Variants in MIPOL1 observed in about 807,000 individuals in gnomAD.
MIPOL1 encodes mirror-image polydactyly 1, also known as mirror-image polydactyly gene 1 protein.
A neutral mutation model predicts 60.9 loss-of-function variants in MIPOL1; 57 were observed. That is an observed-to-expected ratio of 0.94 (90% CI 0.76 to 1.17). The LOEUF (loss-of-function observed/expected upper bound fraction) is 1.17. Ranked by LOEUF, MIPOL1 falls within the 50% of genes most tolerant of loss-of-function variation. The pLI, the probability that MIPOL1 is intolerant of heterozygous loss-of-function variation, is 0.00. For synonymous variants in MIPOL1, 179 were observed against 168.8 expected (o/e 1.06, Z -0.47); for missense variants, 551 against 511.6 (o/e 1.08, Z -0.74).
intron 11 of MIPOL1, among the ~76,000 whole-genome samples, chr14:37,442,449 G>T (rs144156642): frequency 6.6e-6 from 1 of 152,068 alleles, no homozygotes; most frequent in Non-Finnish European, 1.5e-5. Context: ...TGTTGTTCCA[G>T]TTTTCAAGGG....
intron 7 of MIPOL1, among the ~76,000 whole-genome samples, chr14:37,298,774 C>T (rs1297319454): frequency 1.1e-4 from 17 of 151,486 alleles, no homozygotes; most frequent in Non-Finnish European, 2.1e-4. Context: ...GTTAGAATGG[C>T]AATCATTAAA....
At chr14:37,496,031 C>T (rs2095122858) in intron 11 of MIPOL1, among the ~76,000 whole-genome samples, 1 of 151,444 alleles carries the variant, frequency 6.6e-6, no homozygotes, top group Non-Finnish European at 1.5e-5. Flanking sequence ...GATATTAGCC[C>T]TTTGTCAGAT....
At position 37,318,804 on chromosome 14, in the gene MIPOL1, T is replaced by TTAG. The variant is rs2088221619; in HGVS notation, c.828+10286_828+10287insAGT. Among the ~76,000 whole-genome samples the TTAG allele has an allele frequency of 6.5e-5, 4 of 61,140 alleles. No individual in the cohort carries two copies. The South Asian group carries it at 2.1e-3, about 31-fold the overall frequency. 40.1% of individuals were successfully genotyped at this position (61,140 alleles called of 152,430 possible). Reference sequence around the variant, plus strand: ...AATTTTACTTCATTTTATTTATTTATTTATTTATTTATTTATTTATTTAGT... The same window carrying TTAG: ...AATTTTACTTCATTTTATTTATTTATTAGTTATTTATTTATTTATTTATTTAGT... On this transcript the variant is annotated intron_variant, in intron 9 of 12. Coordinates refer to ENST00000684589, the MANE Select transcript of MIPOL1 (RefSeq NM_001388067.1).
chr14:37,412,121 T>C (rs2093690311), intron 10 of MIPOL1, among the ~76,000 whole-genome samples: 1 of 152,142 alleles, frequency 6.6e-6, no homozygotes, highest in Non-Finnish European at 1.5e-5. Context: ...ACCTTGCTCT[T>C]AACCACCTCA....
intron 1 of MIPOL1, among the ~76,000 whole-genome samples, chr14:37,242,850 G>A (rs1157460637): frequency 6.6e-6 from 1 of 152,196 alleles, no homozygotes; most frequent in Non-Finnish European, 1.5e-5. Flanking sequence ...TGAGAAAAGA[G>A]TTTCTACTTT....
At chr14:37,539,547 A>G (rs1164813283) in intron 12 of MIPOL1, among the ~76,000 whole-genome samples, 1 of 152,182 alleles carries the variant, frequency 6.6e-6, no homozygotes, top group Non-Finnish European at 1.5e-5. Context: ...GTTTTTAAAA[A>G]CACTAGACAT....
intron 1 of MIPOL1, among the ~76,000 whole-genome samples, chr14:37,198,703 G>A (rs1964736650): frequency 6.6e-6 from 1 of 152,156 alleles, no homozygotes; most frequent in African/African-American, 2.4e-5. Flanking sequence ...TGGTAGAAAG[G>A]AACAACTTTC....
At chr14:37,218,413 C>A (rs1470658261) in intron 1 of MIPOL1, among the ~76,000 whole-genome samples, 1 of 151,882 alleles carries the variant, frequency 6.6e-6, no homozygotes, top group Non-Finnish European at 1.5e-5. Flanking sequence ...ATCTGGAACT[C>A]CTGACCTCAA....
Position 37,338,409 on chromosome 14 carries a change from C to G in MIPOL1, c.828+29890C>G, listed in dbSNP as rs529444438. On this transcript the variant is annotated intron_variant, in intron 9 of 12. Coordinates refer to ENST00000684589, the MANE Select transcript of MIPOL1 (RefSeq NM_001388067.1). ...ACAGGCGTGAACCACCGCGCCTGGC[C>G]CCCCCTTTTTTTTTTTTGAGACAGA... Among the ~76,000 whole-genome samples, 5 of 16,380 alleles carry G rather than the reference C, an allele frequency of 3.1e-4. No homozygotes were observed. The Admixed American group carries it at 3.8e-3, about 13-fold the overall frequency. The allele number at this position is 16,380 out of a possible 152,430, so 10.7% of individuals were successfully genotyped here. A position where few individuals can be genotyped will look rare whatever the true frequency, so the allele number is the denominator to read the frequency against.
In MIPOL1 at chr14:37,426,586, T is replaced by TATATATATATATATAC. The variant is rs1473912042; in HGVS notation, c.1031+3646_1031+3647insTATATACATATATATA. On this transcript the variant is annotated intron_variant, in intron 11 of 12. Transcript: ENST00000684589. ...CAAAATATACATATATATATATATA[T>TATATATATATATATAC]ATATATATACACACACACATACATA... Among the ~76,000 whole-genome samples, 5 of 138,720 alleles carry TATATATATATATATAC rather than the reference T, an allele frequency of 3.6e-5. No individual in the cohort carries two copies. The East Asian group carries it at 6.3e-4, about 18-fold the overall frequency. 91.0% of individuals were successfully genotyped at this position (138,720 alleles called of 152,430 possible). A position where few individuals can be genotyped will look rare whatever the true frequency, so the allele number is the denominator to read the frequency against.
intron 11 of MIPOL1, among the ~76,000 whole-genome samples, chr14:37,427,961 TA>T (rs1217110089): frequency 6.6e-6 from 1 of 152,228 alleles, no homozygotes; most frequent in Admixed American, 6.5e-5. Flanking sequence ...ATAGAACTCA[TA>T]GATAATGGAT....
At chr14:37,533,181 T>A (rs1021912412) in intron 12 of MIPOL1, among the ~76,000 whole-genome samples, 4 of 152,168 alleles carry the variant, frequency 2.6e-5, no homozygotes, top group Non-Finnish European at 5.9e-5. Context: ...ATCACTCTTA[T>A]TTATGTAAAA....
chr14:37,392,119 C>T lies in MIPOL1; in HGVS notation c.936+22495C>T, dbSNP rs77355516. On this transcript the variant is annotated intron_variant, in intron 10 of 12. Coordinates refer to ENST00000684589, the MANE Select transcript of MIPOL1 (RefSeq NM_001388067.1). Reference sequence around the variant, plus strand: ...TGCTTTTATTTGTTTTAAAATCAACCAGTCTGTATTTACAAAAAAAATCCA... The same window carrying T: ...TGCTTTTATTTGTTTTAAAATCAACTAGTCTGTATTTACAAAAAAAATCCA... Among the ~76,000 whole-genome samples the T allele has an allele frequency of 1.4e-3, 210 of 151,958 alleles. 5 individuals are homozygous for T. The East Asian group carries it at 0.033, about 24-fold the overall frequency.
intron 1 of MIPOL1, among the ~76,000 whole-genome samples, chr14:37,226,030 A>G (rs1019665880): frequency 1.3e-5 from 2 of 152,168 alleles, no homozygotes; most frequent in Admixed American, 1.3e-4. Context: ...CCAGTTCCCA[A>G]CAAGTTTCTC....
chr14:37,513,067 T>C (rs1166068786), intron 12 of MIPOL1, among the ~76,000 whole-genome samples: 1 of 152,128 alleles, frequency 6.6e-6, no homozygotes, highest in Non-Finnish European at 1.5e-5. Context: ...CATCTATATA[T>C]GGAAGATGGA....
At position 37,252,117 on chromosome 14, in the gene MIPOL1, TAATGAGTTTGTTC is replaced by T. The variant is rs1974209048; in HGVS notation, c.19+4214_19+4226del. ...AGCTTTTGACCAAAACCTTTCAATT[TAATGAGTTTGTTC>T]AATATTGTTTTTAGGTTTATTATTT... On this transcript the variant is annotated intron_variant, in intron 3 of 12. Coordinates refer to ENST00000684589, the MANE Select transcript of MIPOL1 (RefSeq NM_001388067.1). 2.0e-5 allele frequency among the ~76,000 whole-genome samples: 3 copies of T among 151,892 alleles called. No homozygotes were observed. The South Asian group carries it at 6.2e-4, about 31-fold the overall frequency.
intron 9 of MIPOL1, among the ~76,000 whole-genome samples, chr14:37,319,529 A>G (rs2088317089): frequency 6.6e-6 from 1 of 152,138 alleles, no homozygotes. Flanking sequence ...GCCTTGAGTA[A>G]TATGAACATA....
intron 10 of MIPOL1, among the ~76,000 whole-genome samples, chr14:37,381,456 A>G (rs2092922540): frequency 6.6e-6 from 1 of 152,074 alleles, no homozygotes; most frequent in African/African-American, 2.4e-5. Context: ...TTTAAAGACA[A>G]TACCTAGCAG....
chr14:37,220,814 C>G (rs1594543889), intron 1 of MIPOL1, among the ~76,000 whole-genome samples: 1 of 152,042 alleles, frequency 6.6e-6, no homozygotes, highest in African/African-American at 2.4e-5. Flanking sequence ...CTCCCTCTGT[C>G]CCCCGGGCTG....
Sources: gnomAD v4.1 joint callset for allele counts (sites outside exome capture counted in the v4.1 genomes callset) on GRCh38, gnomAD v4.1.1 for gene constraint, MANE v1.5 for transcripts, NCBI Gene and HGNC (gene_info 2026-07-23, HGNC 2026-07-21) for gene names.